Variants in SCARA5 observed in about 807,000 individuals in gnomAD.
SCARA5 encodes scavenger receptor class A member 5, also known as scavenger receptor class A, member 5 (putative).
In SCARA5, 45 loss-of-function variants were observed where a neutral mutation model predicts 46.3. The ratio of observed to expected loss-of-function variants is 0.97; its 90% CI spans 0.76 to 1.24. SCARA5 has a LOEUF of 1.24. SCARA5 is among the 50% of genes most tolerant of loss of function. The pLI is 0.00. For missense variants in SCARA5, 680 were observed against 689.0 expected (o/e 0.99, Z 0.15); for synonymous variants, 333 against 306.5 (o/e 1.09, Z -0.90).
At chr8:27,939,705 G>A (rs4496925) in intron 3 of SCARA5, among the ~76,000 whole-genome samples, 90,407 of 151,978 alleles carry the variant, frequency 0.59, 27,244 homozygotes, top group Middle Eastern at 0.74. Context: ...GCTAATATTC[G>A]TGGGAGTCTA....
intron 7 of SCARA5, among the ~76,000 whole-genome samples, chr8:27,902,828 A>T (rs1309541493): frequency 6.6e-6 from 1 of 152,120 alleles, no homozygotes; most frequent in Non-Finnish European, 1.5e-5. Flanking sequence ...TCAGTCAGAC[A>T]CACCCAGTTA....
Position 27,898,555 on chromosome 8 carries a change from C to T in SCARA5, c.1153+6223G>A, listed in dbSNP as rs375962092. Among the ~76,000 whole-genome samples the T allele has an allele frequency of 4.6e-5, 7 of 152,350 alleles. No homozygotes were observed. The East Asian group carries it at 1.2e-3, about 25-fold the overall frequency. On this transcript the variant is annotated intron_variant, in intron 7 of 8. Coordinates refer to ENST00000354914, the MANE Select transcript of SCARA5 (RefSeq NM_173833.6). ...GCTCCCAGCCAGAGCTCCTAGAACT[C>T]TTGTAACTTCTTAAGCGATAAGAGT...
At chr8:27,897,108 G>A (rs930257173) in intron 7 of SCARA5, among the ~76,000 whole-genome samples, 1 of 151,138 alleles carries the variant, frequency 6.6e-6, no homozygotes, top group Non-Finnish European at 1.5e-5. Context: ...AAAAGAAAAA[G>A]AAGAGGCTGA....
chr8:27,968,520 C>T (rs1585519207), intron 2 of SCARA5, among the ~76,000 whole-genome samples: 6 of 152,260 alleles, frequency 3.9e-5, no homozygotes, highest in Admixed American at 3.9e-4. Flanking sequence ...GGTAGCATTT[C>T]TTTTATTTTT....
At chr8:27,911,063 T>C (rs868310758) in intron 4 of SCARA5, among the ~76,000 whole-genome samples, 5 of 152,288 alleles carry the variant, frequency 3.3e-5, no homozygotes, top group Middle Eastern at 6.8e-3. Flanking sequence ...TTGCCAGCCA[T>C]TGTCGCACCT....
chr8:27,877,476 C>A (rs1329991223), intron 8 of SCARA5, among the ~76,000 whole-genome samples: 2 of 152,200 alleles, frequency 1.3e-5, no homozygotes, highest in African/African-American at 4.8e-5. Flanking sequence ...CCACCCACTG[C>A]CTTTTCACCA....
chr8:27,937,328 T>C (rs964933003), intron 3 of SCARA5, among the ~76,000 whole-genome samples: 5 of 152,134 alleles, frequency 3.3e-5, no homozygotes, highest in African/African-American at 7.2e-5. Context: ...GGGACTCACC[T>C]ATGCATGACC....
At chr8:27,950,362 C>T (rs1407618149) in intron 3 of SCARA5, among the ~76,000 whole-genome samples, 1 of 152,162 alleles carries the variant, frequency 6.6e-6, no homozygotes, top group Non-Finnish European at 1.5e-5. Context: ...ACACACACCC[C>T]CAATCCCATC....
At chr8:27,946,321 C>G (rs1247664394) in intron 3 of SCARA5, among the ~76,000 whole-genome samples, 5 of 152,226 alleles carry the variant, frequency 3.3e-5, no homozygotes, top group African/African-American at 1.2e-4. Context: ...GTGAAAACAA[C>G]TGACTTTAGA....
At chr8:27,939,446 C>T (rs1367019358) in intron 3 of SCARA5, among the ~76,000 whole-genome samples, 1 of 152,122 alleles carries the variant, frequency 6.6e-6, no homozygotes. Context: ...TTGCATGTCC[C>T]CCACCATGGA....
intron 7 of SCARA5, among the ~76,000 whole-genome samples, chr8:27,900,572 C>T (rs1263926700): frequency 2.0e-5 from 3 of 152,154 alleles, no homozygotes; most frequent in Non-Finnish European, 4.4e-5. Flanking sequence ...CTGGTGTCAT[C>T]TGCATATTTT....
chr8:27,958,525 G>T (rs967403612), intron 3 of SCARA5, among the ~76,000 whole-genome samples: 7 of 152,238 alleles, frequency 4.6e-5, no homozygotes, highest in Non-Finnish European at 1.0e-4. Flanking sequence ...CAAGCCCTGG[G>T]TCATGTCCTC....
At chr8:27,879,479 G>T in intron 8 of SCARA5, 90 bp downstream of exon 8, 1 of 1,283,472 alleles carries the variant, frequency 7.8e-7, no homozygotes, top group African/African-American at 1.4e-5. Flanking sequence ...TCGCGGAATT[G>T]CAGTGGAAGG....
intron 3 of SCARA5, among the ~76,000 whole-genome samples, chr8:27,937,878 C>T (rs112828143): frequency 3.9e-5 from 6 of 152,148 alleles, no homozygotes; most frequent in African/African-American, 1.2e-4. Context: ...CAGGGCTCAC[C>T]CTAATGGCCT....
At chr8:27,906,850 C>A (rs548616967) in intron 6 of SCARA5, among the ~76,000 whole-genome samples, 1 of 152,176 alleles carries the variant, frequency 6.6e-6, no homozygotes, top group African/African-American at 2.4e-5. Flanking sequence ...CAGATAAGTG[C>A]CACCACACTT....
intron 4 of SCARA5, among the ~76,000 whole-genome samples, chr8:27,917,683 T>C (rs1807484164): frequency 6.6e-6 from 1 of 152,214 alleles, no homozygotes; most frequent in Non-Finnish European, 1.5e-5. Context: ...TTGCAGGATG[T>C]GAGGATTCGT....
chr8:27,902,070 T>G (rs1259854427), intron 7 of SCARA5, among the ~76,000 whole-genome samples: 1 of 152,190 alleles, frequency 6.6e-6, no homozygotes, highest in Non-Finnish European at 1.5e-5. Flanking sequence ...CCCCTTCACC[T>G]CCCAATTTCA....
At chr8:27,960,636 T>TAG (rs1230053712) in intron 3 of SCARA5, among the ~76,000 whole-genome samples, 1 of 152,226 alleles carries the variant, frequency 6.6e-6, no homozygotes, top group Non-Finnish European at 1.5e-5. Flanking sequence ...CTCAAAATGA[T>TAG]AGAGCCATTC....
intron 3 of SCARA5, among the ~76,000 whole-genome samples, chr8:27,959,775 A>C (rs1808265822): frequency 6.6e-6 from 1 of 152,212 alleles, no homozygotes; most frequent in South Asian, 2.1e-4. Flanking sequence ...TTTTTTGGGA[A>C]AAGCACAACA....
Sources: allele counts gnomAD v4.1 joint callset (sites outside exome capture counted in the v4.1 genomes callset), GRCh38; gene constraint gnomAD v4.1.1; transcripts MANE v1.5; gene names NCBI Gene and HGNC (gene_info 2026-07-23, HGNC 2026-07-21).